The following CRB1 variants were observed in gnomAD, a reference collection of about 807,000 sequenced individuals.
The protein encoded by CRB1 is crumbs cell polarity complex component 1.
Under a neutral mutation model 120.0 loss-of-function variants are expected in CRB1, and 83 were observed. The observed-to-expected ratio is 0.69, with a 90% CI of 0.58 to 0.83. CRB1 has a LOEUF of 0.83. Among genes scored for constraint, CRB1 ranks in the 40% least tolerant of loss-of-function variants. The pLI is 0.00. For synonymous variants in CRB1, 625 were observed against 612.5 expected (o/e 1.02, Z -0.30); for missense variants, 1,699 against 1,687.6 (o/e 1.01, Z -0.12).
chr1:197,306,105 T>C lies in CRB1; in HGVS notation c.71-22317T>C, dbSNP rs554408451. Among the ~76,000 whole-genome samples the C allele has an allele frequency of 1.6e-4, 25 of 152,098 alleles. No individual in the cohort carries two copies. In the East Asian group the frequency reaches 4.9e-3, roughly 30 times the overall value. ...GCACCAAGGAATGTAAGCAGAGGAA[T>C]AGGTCAGATCCAGGAAAGGAAGCAG... is the stretch of plus-strand genomic sequence containing the variant. On this transcript the variant is annotated intron_variant, in intron 1 of 11. Coordinates refer to ENST00000367400, the MANE Select transcript of CRB1 (RefSeq NM_201253.3).
At chr1:197,377,175 C>T (rs1661694306) in intron 5 of CRB1, among the ~76,000 whole-genome samples, 1 of 152,086 alleles carries the variant, frequency 6.6e-6, no homozygotes, top group African/African-American at 2.4e-5. Context: ...CTTCATATTA[C>T]TTATCACTGT....
chr1:197,410,990 TCA>T (rs1663681224), intron 5 of CRB1, among the ~76,000 whole-genome samples: 2 of 152,194 alleles, frequency 1.3e-5, no homozygotes, highest in South Asian at 4.1e-4. Context: ...GTACTAGTTT[TCA>T]CAGTTAGAAA....
Position 197,268,419 on chromosome 1 carries a change from C to T in CRB1, c.7C>T (p.Leu3Phe), listed in dbSNP as rs562543590. The T allele has an allele frequency of 3.7e-6, 6 of 1,610,612 alleles. No homozygotes were observed. The African/African-American group carries it at 4.0e-5, about 11-fold the overall frequency. MALKNINYLLIFY... is the reference protein window; with the variant it reads MAFKNINYLLIFY... ...ATGTTCTCTAAATAAGACCATGGCA[C>T]TTAAGAACATTAACTACCTTCTCAT... Residue 3 changes from leucine (L) to phenylalanine (F), a missense_variant, in exon 1 of 12, where the codon CTT becomes TTT. Transcript: ENST00000367400.
At chr1:197,296,514 T>C (rs1656530249) in intron 1 of CRB1, among the ~76,000 whole-genome samples, 2 of 152,148 alleles carry the variant, frequency 1.3e-5, no homozygotes, top group South Asian at 4.1e-4. Flanking sequence ...CAGAAGTCAG[T>C]TGTATCTCCA....
chr1:197,435,143 CA>C lies in CRB1; in HGVS notation c.3282del (p.Cys1096ValfsTer2). ...DRAIDNIKGL[Q>X]GCLSTIEIGG... ...AGCTATTGACAATATAAAGGGCCTG[CA>C]AGGGTGTCTAAGTACAATAGAAATC... On this transcript the variant is annotated frameshift_variant, in exon 9 of 12. Coordinates refer to ENST00000367400, the MANE Select transcript of CRB1 (RefSeq NM_201253.3). LOFTEE classifies it high-confidence loss of function. 1.2e-6 allele frequency: 2 copies of C among 1,613,850 alleles called. No homozygotes were observed. Among genetic ancestry groups the C allele is most frequent in the Non-Finnish European group, 1.7e-6 (2 of 1,179,826 alleles).
chr1:197,307,323 T>C (rs1407648653), intron 1 of CRB1, among the ~76,000 whole-genome samples: 1 of 152,220 alleles, frequency 6.6e-6, no homozygotes, highest in African/African-American at 2.4e-5. Context: ...TGTTAAAAGC[T>C]GTTTTACAGC....
rs148680898 is a variant in CRB1 at position 197,429,758 on chromosome 1, C to T, written c.2842+144C>T. The T allele has an allele frequency of 3.6e-6, 3 of 842,594 alleles. No homozygotes were observed. In the African/African-American group the frequency reaches 5.1e-5, roughly 14 times the overall value. The allele number at this position is 842,594 out of a possible 1,614,324, so 52.2% of individuals were successfully genotyped here. A position where few individuals can be genotyped will look rare whatever the true frequency, so the allele number is the denominator to read the frequency against. On this transcript the variant is annotated intron_variant, in intron 8 of 11. Transcript: ENST00000367400. ...TTTCCCCTATGCGAGTAGGCTAATA[C>T]TGACTGGCCTCTTGCCTCATCCTGC...
In CRB1 at chr1:197,316,995, A is replaced by G. The variant is rs147743032; in HGVS notation, c.71-11427A>G. On this transcript the variant is annotated intron_variant, in intron 1 of 11. Coordinates refer to ENST00000367400, the MANE Select transcript of CRB1 (RefSeq NM_201253.3). ...AAAGATCTCTGCAATGAAAACCAAA[A>G]AACATTGAGGAGAGAAACTGAAGAA... Among the ~76,000 whole-genome samples the G allele has an allele frequency of 2.0e-4, 30 of 152,332 alleles. 1 individual carries two copies. The highest frequency in any genetic ancestry group is 7.0e-4 in the African/African-American group (29 of 41,592).
intron 1 of CRB1, among the ~76,000 whole-genome samples, chr1:197,283,576 T>C (rs1433597518): frequency 2.6e-5 from 4 of 151,854 alleles, no homozygotes; most frequent in African/African-American, 9.7e-5. Context: ...ATTAATTCAT[T>C]CCTTTTTATG....
intron 5 of CRB1, among the ~76,000 whole-genome samples, chr1:197,374,453 G>A (rs1045900049): frequency 2.0e-5 from 3 of 152,064 alleles, no homozygotes; most frequent in African/African-American, 7.2e-5. Context: ...TGCCCCCCCT[G>A]CATGCCATTG....
the CRB1 span, among the ~76,000 whole-genome samples, chr1:197,206,245 A>G: frequency 6.6e-6 from 1 of 150,476 alleles, no homozygotes; most frequent in Non-Finnish European, 1.5e-5. Context: ...TTTTGTTTCA[A>G]TATCATTTAG....
intron 7 of CRB1, 133 bp from the exon 8 acceptor site, chr1:197,429,316 G>A: frequency 7.5e-7 from 1 of 1,341,382 alleles, no homozygotes; most frequent in Non-Finnish European, 1.1e-6. Flanking sequence ...AGTTAACAAT[G>A]GATCTTAAAA....
chr1:197,365,477 C>G (rs908534340), intron 5 of CRB1, among the ~76,000 whole-genome samples: 2 of 152,070 alleles, frequency 1.3e-5, no homozygotes, highest in Non-Finnish European at 2.9e-5. Flanking sequence ...GCCATGGCCC[C>G]CTTGCCTATG....
intron 5 of CRB1, among the ~76,000 whole-genome samples, chr1:197,377,351 A>G (rs1661703820): frequency 6.6e-6 from 1 of 152,290 alleles, no homozygotes; most frequent in South Asian, 2.1e-4. Context: ...GGCCCAACCA[A>G]TATTTCATGA....
chr1:197,450,541 C>G (rs1399562600), intron 11 of CRB1, among the ~76,000 whole-genome samples: 1 of 151,740 alleles, frequency 6.6e-6, no homozygotes, highest in Non-Finnish European at 1.5e-5. Context: ...TAAGGATAAA[C>G]GGATATTTTG....
chr1:197,348,616 A>G (rs1659913512), intron 4 of CRB1, among the ~76,000 whole-genome samples: 1 of 152,016 alleles, frequency 6.6e-6, no homozygotes, highest in Admixed American at 6.5e-5. Context: ...AGCTGGTACT[A>G]CAGGTGCCTG....
At chr1:197,407,706 A>T (rs1337588982) in intron 5 of CRB1, among the ~76,000 whole-genome samples, 1 of 152,174 alleles carries the variant, frequency 6.6e-6, no homozygotes, top group Admixed American at 6.5e-5. Context: ...TTGCATTTTA[A>T]TCACACCCAC....
At chr1:197,322,428 A>C (rs1658254525) in intron 1 of CRB1, among the ~76,000 whole-genome samples, 1 of 151,796 alleles carries the variant, frequency 6.6e-6, no homozygotes, top group Non-Finnish European at 1.5e-5. Context: ...GCACCACTGC[A>C]CTCCAGCCTG....
At chr1:197,277,274 T>C (rs900591243) in intron 1 of CRB1, among the ~76,000 whole-genome samples, 1 of 152,004 alleles carries the variant, frequency 6.6e-6, no homozygotes, top group African/African-American at 2.4e-5. Flanking sequence ...GTAGTCTTTT[T>C]GGTTCTCCAC....
Sources: gnomAD v4.1 joint callset for allele counts (sites outside exome capture counted in the v4.1 genomes callset) on GRCh38, gnomAD v4.1.1 for gene constraint, MANE v1.5 for transcripts, NCBI Gene and HGNC (gene_info 2026-07-23, HGNC 2026-07-21) for gene names.